Variants in STK39 observed in about 807,000 individuals in gnomAD.
The protein encoded by STK39 is STE20/SPS1-related proline-alanine-rich protein kinase.
A neutral mutation model predicts 77.8 loss-of-function variants in STK39; 20 were observed. The ratio of observed to expected loss-of-function variants is 0.26; its 90% CI spans 0.18 to 0.37. The LOEUF (loss-of-function observed/expected upper bound fraction) is 0.37. Ranked by LOEUF, STK39 falls within the 10% of genes least tolerant of loss-of-function variation. The pLI is 1.00. For missense variants in STK39, 479 were observed against 656.5 expected, an observed-to-expected ratio of 0.73 and a Z score of 2.95; for synonymous variants, 246 against 234.1, an observed-to-expected ratio of 1.05 and a Z score of -0.47.
intron 1 of STK39, among the ~76,000 whole-genome samples, chr2:168,210,044 A>G (rs1401115317): frequency 6.8e-6 from 1 of 147,102 alleles, no homozygotes; most frequent in Non-Finnish European, 1.5e-5. Context: ...GAAGGAAGGA[A>G]GGAAGGAAGG....
intron 10 of STK39, among the ~76,000 whole-genome samples, chr2:168,114,119 T>C (rs1299280815): frequency 6.6e-6 from 1 of 152,166 alleles, no homozygotes; most frequent in Admixed American, 6.5e-5. Context: ...CCAAGTAAGC[T>C]TCAGTAATTC....
intron 14 of STK39, among the ~76,000 whole-genome samples, chr2:168,056,288 A>G (rs549439238): frequency 1.3e-5 from 2 of 152,248 alleles, no homozygotes; most frequent in South Asian, 4.1e-4. Flanking sequence ...CATTTTGAAA[A>G]GGAAAATATT....
intron 1 of STK39, among the ~76,000 whole-genome samples, chr2:168,214,270 A>C (rs1689969620): frequency 6.6e-6 from 1 of 151,598 alleles, no homozygotes; most frequent in Non-Finnish European, 1.5e-5. Flanking sequence ...AAAAAAACAC[A>C]AGGTCCACTA....
chr2:168,243,129 GCTCCCTTACC>G (rs1690813571), intron 1 of STK39, among the ~76,000 whole-genome samples: 1 of 152,104 alleles, frequency 6.6e-6, no homozygotes, highest in African/African-American at 2.4e-5. Context: ...CAGTGCTCCG[GCTCCCTTACC>G]CTAGCGCCAG....
chr2:168,223,617 G>GC (rs1444782175), intron 1 of STK39, among the ~76,000 whole-genome samples: 1 of 151,974 alleles, frequency 6.6e-6, no homozygotes, highest in East Asian at 1.9e-4. Flanking sequence ...GAGGACCATA[G>GC]CAAGGGTGAC....
At chr2:168,048,615 G>C (rs1685313138) in intron 14 of STK39, among the ~76,000 whole-genome samples, 1 of 152,150 alleles carries the variant, frequency 6.6e-6, no homozygotes, top group Admixed American at 6.5e-5. Flanking sequence ...GCAGGCCCCA[G>C]GGACAGTACA....
At chr2:168,122,212 T>C (rs141235448) in intron 10 of STK39, among the ~76,000 whole-genome samples, 2 of 152,296 alleles carry the variant, frequency 1.3e-5, no homozygotes, top group Non-Finnish European at 2.9e-5. Flanking sequence ...TAGGCCCTCA[T>C]GTCTATTGTT....
At chr2:168,011,235 G>A (rs1019048769) in intron 16 of STK39, among the ~76,000 whole-genome samples, 5 of 151,824 alleles carry the variant, frequency 3.3e-5, no homozygotes, top group Non-Finnish European at 7.4e-5. Context: ...GGAGGCGGAG[G>A]TTGCAGTGGG....
intron 5 of STK39, among the ~76,000 whole-genome samples, chr2:168,158,414 GA>G (rs1688489307): frequency 6.6e-6 from 1 of 152,136 alleles, no homozygotes; most frequent in African/African-American, 2.4e-5. Flanking sequence ...CCTATGCCCT[GA>G]AACCTTACCA....
intron 16 of STK39, among the ~76,000 whole-genome samples, chr2:167,981,161 G>C (rs1404030113): frequency 6.6e-6 from 1 of 151,494 alleles, no homozygotes; most frequent in East Asian, 1.9e-4. Flanking sequence ...AAAGTAGCCA[G>C]TTGTCAAAAT....
chr2:168,065,208 C>T, intron 13 of STK39, 111 bp downstream of exon 13: 3 of 1,118,320 alleles, frequency 2.7e-6, no homozygotes, highest in Non-Finnish European at 2.7e-6. Flanking sequence ...AGCTTATAAG[C>T]CCTTGATTTG....
chr2:168,054,524 A>G (rs1483033077), intron 14 of STK39, among the ~76,000 whole-genome samples: 1 of 152,226 alleles, frequency 6.6e-6, no homozygotes, highest in African/African-American at 2.4e-5. Context: ...AGGGACTCAA[A>G]TTCTCAAAGA....
At chr2:167,987,033 G>A (rs922769866) in intron 16 of STK39, among the ~76,000 whole-genome samples, 2 of 152,130 alleles carry the variant, frequency 1.3e-5, no homozygotes, top group Non-Finnish European at 2.9e-5. Context: ...GAACAAGTTA[G>A]CACTGCTTAT....
chr2:168,203,432 GA>G (rs1278417879), intron 1 of STK39, among the ~76,000 whole-genome samples: 2 of 148,452 alleles, frequency 1.3e-5, no homozygotes, highest in African/African-American at 5.0e-5. Context: ...CTCAGGAAAA[GA>G]AAAAAAAGAA....
chr2:168,144,641 ATT>A (rs1553534599), intron 5 of STK39, among the ~76,000 whole-genome samples: 12 of 149,186 alleles, frequency 8.0e-5, no homozygotes, highest in East Asian at 7.8e-4. Flanking sequence ...TATAAGACTC[ATT>A]TTTTTTTTTA....
intron 1 of STK39, chr2:168,232,020 A>C (rs1690468905): frequency 4.1e-6 from 1 of 243,732 alleles, no homozygotes; most frequent in Admixed American, 4.0e-5. Flanking sequence ...ATTCTCCTGG[A>C]TGGTGCACTC....
intron 15 of STK39, among the ~76,000 whole-genome samples, chr2:168,016,373 T>G (rs1338746641): frequency 9.0e-6 from 1 of 111,012 alleles, no homozygotes; most frequent in Admixed American, 1.2e-4. Flanking sequence ...TTTGTTTGGC[T>G]GGTGGCCTTT....
chr2:168,034,556 C>G (rs1238462493), intron 14 of STK39, among the ~76,000 whole-genome samples: 1 of 152,172 alleles, frequency 6.6e-6, no homozygotes, highest in Non-Finnish European at 1.5e-5. Context: ...TTCCTCTGCA[C>G]CAGAAGACAG....
At chr2:168,018,490 C>A (rs752780707) in intron 14 of STK39, among the ~76,000 whole-genome samples, 1 of 120,730 alleles carries the variant, frequency 8.3e-6, no homozygotes, top group Non-Finnish European at 1.7e-5. Context: ...AAGAGTTCAT[C>A]TCATTTTTAA....
Sources: gnomAD v4.1 joint callset for allele counts (sites outside exome capture counted in the v4.1 genomes callset) on GRCh38, gnomAD v4.1.1 for gene constraint, MANE v1.5 for transcripts, NCBI Gene and HGNC (gene_info 2026-07-23, HGNC 2026-07-21) for gene names.